The following VIPR2 variants were observed in gnomAD, a reference collection of about 807,000 sequenced individuals.
The protein encoded by VIPR2 is vasoactive intestinal peptide receptor 2, also known as vasoactive intestinal polypeptide receptor 2.
Under a neutral mutation model 58.0 loss-of-function variants are expected in VIPR2, and 48 were observed. That is an observed-to-expected ratio of 0.83 (90% CI 0.66 to 1.05). VIPR2 has a LOEUF of 1.05. VIPR2 is among the 50% of genes least tolerant of loss of function. VIPR2 has a pLI of 0.00. For synonymous variants in VIPR2, 243 were observed against 235.2 expected, an observed-to-expected ratio of 1.03 and a Z score of -0.30; for missense variants, 534 against 558.0, an observed-to-expected ratio of 0.96 and a Z score of 0.43.
chr7:159,138,941 T>G (rs1797343427), intron 2 of VIPR2, among the ~76,000 whole-genome samples: 1 of 152,214 alleles, frequency 6.6e-6, no homozygotes, highest in Non-Finnish European at 1.5e-5. Context: ...AAGTTCTGTG[T>G]GAGACTTGGG....
At chr7:159,044,778 T>A (rs573546240) in intron 5 of VIPR2, among the ~76,000 whole-genome samples, 1 of 151,958 alleles carries the variant, frequency 6.6e-6, no homozygotes, top group Non-Finnish European at 1.5e-5. Context: ...CAGGTTTTTT[T>A]TTTTGGAGAT....
At position 159,074,725 on chromosome 7, in the gene VIPR2, T is replaced by C. The variant is rs150285746; in HGVS notation, c.358-16147A>G. 4.6e-3 allele frequency among the ~76,000 whole-genome samples: 706 copies of C among 152,354 alleles called. 8 individuals are homozygous for C. Among genetic ancestry groups the C allele is most frequent in the African/African-American group, 0.016 (680 of 41,582 alleles). ...TTTTCTGGCTGGGAGCAGTGGCTCA[T>C]GCCTGTAATCCCAACACTTTGGGAG... On this transcript the variant is annotated intron_variant, in intron 4 of 12. Transcript: ENST00000262178.
rs575826259 is a variant in VIPR2 at position 159,048,867 on chromosome 7, C to G, written c.456-5691G>C. 1.5e-3 allele frequency among the ~76,000 whole-genome samples: 226 copies of G among 152,342 alleles called. 1 individual carries two copies. Among genetic ancestry groups the G allele is most frequent in the Middle Eastern group, 3.4e-3 (1 of 294 alleles). ...GCTCAGCCCTTACTGATGTTCTGCA[C>G]AGCTCCAGGGGCTTTCTCTAGTTCT... On this transcript the variant is annotated intron_variant, in intron 5 of 12. Coordinates refer to ENST00000262178, the MANE Select transcript of VIPR2 (RefSeq NM_003382.5).
chr7:159,130,602 C>T (rs1044760258), intron 2 of VIPR2, among the ~76,000 whole-genome samples: 7 of 152,032 alleles, frequency 4.6e-5, no homozygotes, highest in Non-Finnish European at 1.0e-4. Context: ...GCAAGCACTA[C>T]TGCCTAGCAC....
At chr7:159,130,542 A>G (rs1385774400) in intron 2 of VIPR2, among the ~76,000 whole-genome samples, 1 of 151,768 alleles carries the variant, frequency 6.6e-6, no homozygotes, top group Non-Finnish European at 1.5e-5. Flanking sequence ...GATTCAGCCC[A>G]CTGAGGACCA....
chr7:159,036,814 G>A lies in VIPR2; in HGVS notation c.686C>T (p.Thr229Ile), dbSNP rs1215975693. 4 of 1,613,890 alleles carry A rather than the reference G, an allele frequency of 2.5e-6. No homozygotes were observed. Among genetic ancestry groups the A allele is most frequent in the Admixed American group, 3.3e-5 (2 of 60,008 alleles). The change falls in exon 7 of 13, where the codon ACC (threonine) becomes ATC (isoleucine). Residue 229 changes from threonine to isoleucine, a missense_variant. Around this residue, in one of 3 missense-constraint regions of VIPR2, gnomAD observed 306 missense variants for 285.8 expected, o/e 1.07. Transcript: ENST00000262178. ...WLLVEGLYLH[T>I]LLVAMLPPRR... is the part of the protein sequence containing the mutation. ...AGGGGGGAGCATGGCCACCAGGAGG[G>A]TGTGGAGGTAGAGCCCCTCCACCAG...
chr7:159,134,171 C>T (rs1190548276), intron 2 of VIPR2, among the ~76,000 whole-genome samples: 2 of 152,146 alleles, frequency 1.3e-5, no homozygotes, highest in Non-Finnish European at 2.9e-5. Context: ...TCTAGAGGAA[C>T]TGGAGCTACC....
rs1796714491 is a variant in VIPR2, at chr7:159,127,916, G to A, written c.151+14530C>T. Among the ~76,000 whole-genome samples, 1 of 152,174 alleles carries A rather than the reference G, an allele frequency of 6.6e-6. No individual in the cohort carries two copies. The highest frequency in any genetic ancestry group is 1.5e-5 in the Non-Finnish European group (1 of 68,008). Reference sequence around the variant, plus strand: ...TGAACATTCAAGGCCTCAAGGCACGGGGAGTCCTGCCGTGCTATTCCAAGG... The same window carrying A: ...TGAACATTCAAGGCCTCAAGGCACGAGGAGTCCTGCCGTGCTATTCCAAGG... On this transcript the variant is annotated intron_variant, in intron 2 of 12. Coordinates refer to ENST00000262178, the MANE Select transcript of VIPR2 (RefSeq NM_003382.5). This position sits in a 1 kb window ranked among gnomAD's most constrained non-coding sequence, Gnocchi z 4.6.
chr7:159,104,547 T>C (rs55789539), intron 3 of VIPR2, among the ~76,000 whole-genome samples: 44,159 of 118,160 alleles, frequency 0.37, 7,658 homozygotes, highest in African/African-American at 0.46. Context: ...CTCCCAGCAA[T>C]GCCCTCCCTC....
At chr7:159,101,074 T>C (rs1195177251) in intron 4 of VIPR2, among the ~76,000 whole-genome samples, 6 of 149,196 alleles carry the variant, frequency 4.0e-5, no homozygotes, top group South Asian at 2.2e-4. Flanking sequence ...CGACTGTTCC[T>C]GTGGTAGTGA....
intron 5 of VIPR2, among the ~76,000 whole-genome samples, chr7:159,057,383 T>A (rs1254337899): frequency 6.6e-6 from 1 of 152,170 alleles, no homozygotes; most frequent in African/African-American, 2.4e-5. Flanking sequence ...GTATCAAAGG[T>A]AGACTTATTC....
chr7:159,132,425 A>G (rs1483871198), intron 2 of VIPR2, among the ~76,000 whole-genome samples: 1 of 149,376 alleles, frequency 6.7e-6, no homozygotes, highest in South Asian at 2.1e-4. Context: ...TGGGATCCAG[A>G]GTGAAACTGG....
chr7:159,115,931 C>CTAAG (rs1186376483), intron 2 of VIPR2, among the ~76,000 whole-genome samples: 1 of 149,550 alleles, frequency 6.7e-6, no homozygotes, highest in African/African-American at 2.5e-5. Flanking sequence ...CTGCGTTTAG[C>CTAAG]TAAGTAGTCA....
intron 2 of VIPR2, among the ~76,000 whole-genome samples, chr7:159,114,245 A>G: frequency 6.6e-6 from 1 of 152,078 alleles, no homozygotes; most frequent in South Asian, 2.1e-4. Context: ...GTCCTTCTGT[A>G]GGAGTGTGCG....
intron 1 of VIPR2, 52 bp downstream of exon 1, chr7:159,144,669 G>A (rs571014304): frequency 6.6e-6 from 9 of 1,353,824 alleles, no homozygotes; most frequent in East Asian, 6.1e-5. Flanking sequence ...CTTCTCGGAA[G>A]GGGAGAACCG....
chr7:159,091,696 G>A (rs960438941), intron 4 of VIPR2, among the ~76,000 whole-genome samples: 2 of 152,134 alleles, frequency 1.3e-5, no homozygotes, highest in Non-Finnish European at 2.9e-5. Flanking sequence ...CCCGGGACGC[G>A]AGCACTGGTC....
intron 4 of VIPR2, among the ~76,000 whole-genome samples, chr7:159,065,817 CG>C (rs1300387959): frequency 6.6e-6 from 1 of 152,194 alleles, no homozygotes; most frequent in Non-Finnish European, 1.5e-5. Context: ...CGTGTAGTTA[CG>C]TTCTCGACCA....
At chr7:159,088,648 G>A (rs545504764) in intron 4 of VIPR2, among the ~76,000 whole-genome samples, 45 of 152,386 alleles carry the variant, frequency 3.0e-4, no homozygotes, top group African/African-American at 1.1e-3. Context: ...GCCCTGACCT[G>A]AGTAGGATTT....
At chr7:159,073,687 GCGTGAGCCAC>G (rs2129494648) in intron 4 of VIPR2, among the ~76,000 whole-genome samples, 1 of 152,234 alleles carries the variant, frequency 6.6e-6, no homozygotes, top group African/African-American at 2.4e-5. Flanking sequence ...ATGATTACAG[GCGTGAGCCAC>G]CGTGCTCAGC....
Sources: allele counts gnomAD v4.1 joint callset (sites outside exome capture counted in the v4.1 genomes callset), GRCh38; gene constraint gnomAD v4.1.1; regional missense constraint gnomAD v4.1.1; non-coding constraint Gnocchi (gnomAD v3.1); transcripts MANE v1.5; gene names NCBI Gene and HGNC (gene_info 2026-07-23, HGNC 2026-07-21).